Variants in THSD7A observed in about 807,000 individuals in gnomAD.
The protein encoded by THSD7A is thrombospondin type-1 domain-containing protein 7A.
In THSD7A, 96 loss-of-function variants were observed where a neutral mutation model predicts 231.3. The observed-to-expected ratio is 0.41, with a 90% CI of 0.35 to 0.49. THSD7A has a LOEUF of 0.49. Among genes scored for constraint, THSD7A ranks in the 20% least tolerant of loss-of-function variants. THSD7A has a pLI of 0.05. For missense variants in THSD7A, 2,290 were observed against 2,070.2 expected, an observed-to-expected ratio of 1.11 and a Z score of -2.06; for synonymous variants, 940 against 743.3, an observed-to-expected ratio of 1.26 and a Z score of -4.30.
chr7:11,602,671 T>C (rs1243625996), intron 2 of THSD7A, among the ~76,000 whole-genome samples: 1 of 151,770 alleles, frequency 6.6e-6, no homozygotes, highest in African/African-American at 2.4e-5. Flanking sequence ...AGAATGGAAA[T>C]TGAAGGCCTC....
chr7:11,401,139 G>A (rs1471749478), intron 23 of THSD7A, among the ~76,000 whole-genome samples: 1 of 152,086 alleles, frequency 6.6e-6, no homozygotes, highest in Non-Finnish European at 1.5e-5. Context: ...ACACTTTGCT[G>A]TGGATTTGTA....
chr7:11,747,886 C>T (rs765885840), intron 1 of THSD7A, among the ~76,000 whole-genome samples: 1 of 151,774 alleles, frequency 6.6e-6, no homozygotes, highest in Non-Finnish European at 1.5e-5. Flanking sequence ...TAAAAAGGCA[C>T]AATGATATTA....
chr7:11,647,108 C>T (rs796960884), intron 1 of THSD7A, among the ~76,000 whole-genome samples: 13 of 152,114 alleles, frequency 8.5e-5, no homozygotes, highest in East Asian at 1.9e-4. Flanking sequence ...AGCACATAGG[C>T]GGTTCCTGAT....
At chr7:11,499,268 A>C (rs1442879174) in intron 6 of THSD7A, among the ~76,000 whole-genome samples, 1 of 152,152 alleles carries the variant, frequency 6.6e-6, no homozygotes, top group South Asian at 2.1e-4. Context: ...TCTTGGGCTG[A>C]CTACACTGGG....
chr7:11,467,523 G>A (rs1583797035), intron 9 of THSD7A, among the ~76,000 whole-genome samples: 1 of 152,138 alleles, frequency 6.6e-6, no homozygotes, highest in East Asian at 1.9e-4. Context: ...ACACAAATAA[G>A]TACTGACTCA....
intron 1 of THSD7A, among the ~76,000 whole-genome samples, chr7:11,801,422 G>T (rs1784272941): frequency 6.6e-6 from 1 of 152,196 alleles, no homozygotes; most frequent in African/African-American, 2.4e-5. Flanking sequence ...CATGTGCGAA[G>T]TATGGATAAG....
At chr7:11,748,476 G>A (rs543477324) in intron 1 of THSD7A, among the ~76,000 whole-genome samples, 4 of 152,038 alleles carry the variant, frequency 2.6e-5, no homozygotes, top group African/African-American at 9.6e-5. Context: ...CACAAAAATT[G>A]TTAGTATTTA....
chr7:11,470,318 AG>A (rs1229778637), intron 8 of THSD7A, among the ~76,000 whole-genome samples: 2 of 152,102 alleles, frequency 1.3e-5, no homozygotes, highest in African/African-American at 2.4e-5. Flanking sequence ...ATATGTTTTA[AG>A]AAAAATTTTG....
At chr7:11,507,968 C>T (rs1425368613) in intron 6 of THSD7A, among the ~76,000 whole-genome samples, 1 of 152,120 alleles carries the variant, frequency 6.6e-6, no homozygotes, top group Non-Finnish European at 1.5e-5. Flanking sequence ...AGGGAGGCCT[C>T]AGGAAACTTA....
intron 22 of THSD7A, among the ~76,000 whole-genome samples, chr7:11,405,118 A>G (rs2115366226): frequency 6.6e-6 from 1 of 150,948 alleles, no homozygotes; most frequent in Non-Finnish European, 1.5e-5. Context: ...AGTTCATCTT[A>G]AACTATACCC....
chr7:11,770,861 T>C, intron 1 of THSD7A, among the ~76,000 whole-genome samples: 1 of 152,046 alleles, frequency 6.6e-6, no homozygotes, highest in East Asian at 1.9e-4. Context: ...AAAAGAGAAA[T>C]CTTTTCAATG....
intron 2 of THSD7A, among the ~76,000 whole-genome samples, chr7:11,612,379 T>C (rs1019245470): frequency 2.0e-5 from 3 of 152,322 alleles, no homozygotes; most frequent in Admixed American, 6.5e-5. Flanking sequence ...AAATAAAGAA[T>C]GCAGAAACAG....
At chr7:11,767,624 A>G (rs1316688528) in intron 1 of THSD7A, among the ~76,000 whole-genome samples, 1 of 152,198 alleles carries the variant, frequency 6.6e-6, no homozygotes, top group Non-Finnish European at 1.5e-5. Context: ...TTTTATTATC[A>G]GTATCACCCC....
At chr7:11,405,129 T>C (rs1783539077) in intron 22 of THSD7A, among the ~76,000 whole-genome samples, 1 of 148,404 alleles carries the variant, frequency 6.7e-6, no homozygotes, top group South Asian at 2.1e-4. Context: ...AACTATACCC[T>C]ACCATTTTTA....
intron 4 of THSD7A, among the ~76,000 whole-genome samples, chr7:11,570,148 G>C (rs1364842069): frequency 6.6e-6 from 1 of 152,056 alleles, no homozygotes; most frequent in Non-Finnish European, 1.5e-5. Flanking sequence ...TCCAGCCTAG[G>C]TGGCAGAGCA....
chr7:11,468,361 G>GC (rs1785793772), intron 9 of THSD7A, among the ~76,000 whole-genome samples: 1 of 150,930 alleles, frequency 6.6e-6, no homozygotes, highest in African/African-American at 2.4e-5. Context: ...CAATTCTACT[G>GC]CCAACTGTGA....
chr7:11,575,879 G>T (rs1790878144), intron 4 of THSD7A, among the ~76,000 whole-genome samples: 1 of 152,206 alleles, frequency 6.6e-6, no homozygotes, highest in South Asian at 2.1e-4. Context: ...TTATTGTAAA[G>T]ATGTTAATAA....
chr7:11,766,966 GAGA>G (rs1237705464), intron 1 of THSD7A, among the ~76,000 whole-genome samples: 1 of 152,192 alleles, frequency 6.6e-6, no homozygotes, highest in Non-Finnish European at 1.5e-5. Context: ...GGCAGAGTAA[GAGA>G]AGGTCTTTGT....
intron 1 of THSD7A, among the ~76,000 whole-genome samples, chr7:11,820,018 C>T (rs1289774933): frequency 6.6e-6 from 1 of 152,094 alleles, no homozygotes; most frequent in Non-Finnish European, 1.5e-5. Flanking sequence ...GCATCGCTCT[C>T]CCACCCTACC....
Sources: allele counts gnomAD v4.1 joint callset (sites outside exome capture counted in the v4.1 genomes callset), GRCh38; gene constraint gnomAD v4.1.1; transcripts MANE v1.5; gene names NCBI Gene and HGNC (gene_info 2026-07-23, HGNC 2026-07-21).